PRUNE2: variants seen among roughly 807,000 people sequenced by gnomAD.
PRUNE2 encodes the protein protein prune homolog 2.
A neutral mutation model predicts 252.0 loss-of-function variants in PRUNE2; 164 were observed. The observed-to-expected ratio is 0.65, with a 90% confidence interval of 0.57 to 0.74. The LOEUF is 0.74. Ranked by LOEUF, PRUNE2 falls within the 30% of genes least tolerant of loss-of-function variation. PRUNE2 has a pLI of 0.00. For synonymous variants in PRUNE2, 1,292 were observed against 1,350.2 expected (o/e 0.96, Z 0.94); for missense variants, 3,495 against 3,711.0 (o/e 0.94, Z 1.51).
At position 76,612,992 on chromosome 9, in the gene PRUNE2, TG is replaced by T. The variant is rs1564295741; in HGVS notation, c.*1577del. ...AATAGGAGACACTGGAGACTAAGAA[TG>T]GTTCCCAGAGTGAGGCACGGACTTC... On this transcript the variant is annotated 3_prime_UTR_variant, in exon 19 of 19. Transcript: ENST00000376718. The T allele has an allele frequency of 6.6e-6, 1 of 152,182 alleles. No individual in the cohort carries two copies. Among genetic ancestry groups the T allele is most frequent in the Non-Finnish European group, 1.5e-5 (1 of 68,038 alleles). 9.4% of individuals were successfully genotyped at this position (152,182 alleles called of 1,614,324 possible).
At position 76,823,698 on chromosome 9, in the gene PRUNE2, T is replaced by C. The variant is rs766912621; in HGVS notation, c.690A>G (p.Lys230=). The stretch of plus-strand genomic sequence containing the variant: ...CTCCATCTGACAGCTCCTTTAGATC[T>C]TTCAACATTGTCTGTTCAATACTTA... ...QGLSIEQTML[K]DLKELSDGEI... is the part of the protein sequence containing the mutation. The change falls in exon 6 of 19, where the codon AAA becomes AAG. Residue 230 remains lysine, a synonymous_variant. Coordinates refer to ENST00000376718, the MANE Select transcript of PRUNE2 (RefSeq NM_015225.3). 1 of 1,611,030 alleles carries C rather than the reference T, an allele frequency of 6.2e-7. No individual in the cohort carries two copies. Among genetic ancestry groups the C allele is most frequent in the South Asian group, 1.1e-5 (1 of 91,018 alleles).
chr9:76,827,300 T>G lies in PRUNE2; in HGVS notation c.509-568A>C, dbSNP rs190713591. ...GCATCATACACAGTTTTAAAGTCAT[T>G]TACAATTATCTAATTATAAGGACTC... On this transcript the variant is annotated intron_variant, in intron 4 of 18. Transcript: ENST00000376718. Among the ~76,000 whole-genome samples the G allele has an allele frequency of 7.2e-5, 11 of 152,284 alleles. No homozygotes were observed. The East Asian group carries it at 2.1e-3, about 29-fold the overall frequency.
intron 6 of PRUNE2, among the ~76,000 whole-genome samples, chr9:76,805,076 C>A (rs913171661): frequency 7.9e-5 from 12 of 152,158 alleles, no homozygotes; most frequent in African/African-American, 2.9e-4. Flanking sequence ...GAGTCTCAGC[C>A]CCCAAAGTTC....
chr9:76,814,157 G>GT (rs985593792), intron 6 of PRUNE2, among the ~76,000 whole-genome samples: 6 of 152,254 alleles, frequency 3.9e-5, no homozygotes, highest in African/African-American at 1.4e-4. Context: ...GTAAGAGTGG[G>GT]TTTTTTTGAG....
At chr9:76,764,836 T>C (rs775997592) in intron 6 of PRUNE2, among the ~76,000 whole-genome samples, 30 of 152,134 alleles carry the variant, frequency 2.0e-4, no homozygotes, top group Non-Finnish European at 4.3e-4. Flanking sequence ...TCCACTGGAA[T>C]GGAAGGTACT....
chr9:76,898,881 T>C (rs2063002492), intron 1 of PRUNE2, among the ~76,000 whole-genome samples: 1 of 152,164 alleles, frequency 6.6e-6, no homozygotes, highest in African/African-American at 2.4e-5. Flanking sequence ...TCTGGTCACA[T>C]CCAGGAGAGT....
chr9:76,615,795 G>C (rs1331103986), intron 18 of PRUNE2, among the ~76,000 whole-genome samples: 1 of 107,922 alleles, frequency 9.3e-6, no homozygotes, highest in African/African-American at 3.4e-5. Flanking sequence ...TTTTGAGATG[G>C]AGTCTTGCTC....
intron 6 of PRUNE2, among the ~76,000 whole-genome samples, chr9:76,775,330 T>C (rs977490921): frequency 3.3e-4 from 50 of 152,128 alleles, no homozygotes; most frequent in African/African-American, 1.2e-3. Context: ...AAGGTCTCAC[T>C]CTGTCTCCCA....
intron 6 of PRUNE2, among the ~76,000 whole-genome samples, chr9:76,750,680 G>T (rs373599687): frequency 6.6e-6 from 1 of 152,242 alleles, no homozygotes; most frequent in African/African-American, 2.4e-5. Flanking sequence ...CTATGCTCTG[G>T]GTAAGACAAA....
chr9:76,704,625 C>T (rs2046174896), intron 8 of PRUNE2, 136 bp downstream of exon 8: 1 of 642,216 alleles, frequency 1.6e-6, no homozygotes, highest in African/African-American at 1.8e-5. Flanking sequence ...TAATACAGGA[C>T]TTAGTGAGGC....
chr9:76,708,854 G>A lies in PRUNE2; in HGVS notation c.3420C>T (p.Asp1140=). ...TGGGGATTGCCGCACCCCCACTGCA[G>A]TCATCCCAGTCCAAATCATTGTCCA... ...SDMDNDLDWD[D]CSGGAAIPSD... The change falls in exon 8 of 19, where the codon GAC becomes GAT. Residue 1140 remains aspartate, a synonymous_variant. Transcript: ENST00000376718. 6.2e-7 allele frequency: 1 copy of A among 1,613,980 alleles called. No individual in the cohort carries two copies. Among genetic ancestry groups the A allele is most frequent in the Non-Finnish European group, 8.5e-7 (1 of 1,179,888 alleles).
At chr9:76,736,766 C>CT (rs1456542423) in intron 6 of PRUNE2, 1 of 152,238 alleles carries the variant, frequency 6.6e-6, no homozygotes, top group African/African-American at 2.4e-5. Context: ...TGGGGCAACA[C>CT]AAACATTCAG....
chr9:76,850,266 C>T (rs145449278), intron 3 of PRUNE2, among the ~76,000 whole-genome samples, 197 bp downstream of exon 3: 3,468 of 152,182 alleles, frequency 0.023, 68 homozygotes, highest in South Asian at 0.044. Context: ...AGGCTGGTCT[C>T]GAACTCCTGG....
chr9:76,899,559 CT>C (rs1445647640), intron 1 of PRUNE2, among the ~76,000 whole-genome samples: 1 of 152,102 alleles, frequency 6.6e-6, no homozygotes, highest in Non-Finnish European at 1.5e-5. Flanking sequence ...AAGTGTCATG[CT>C]TTGTGCAGGA....
intron 6 of PRUNE2, chr9:76,785,818 A>G (rs976802740): frequency 2.0e-5 from 3 of 152,130 alleles, no homozygotes; most frequent in African/African-American, 7.2e-5. Context: ...AAAAACAAGC[A>G]TGTTTTCAAA....
At chr9:76,782,221 G>GA (rs145880962) in intron 6 of PRUNE2, among the ~76,000 whole-genome samples, 8,945 of 150,210 alleles carry the variant, frequency 0.06, 677 homozygotes, top group African/African-American at 0.18. Flanking sequence ...CTCAAAAAAA[G>GA]AAAAAAAAGA....
At chr9:76,748,679 AGCGTCAGTGGAG>A (rs1477494654) in intron 6 of PRUNE2, 1 of 152,242 alleles carries the variant, frequency 6.6e-6, no homozygotes, top group Admixed American at 6.5e-5. Context: ...TTTGACTTGG[AGCGTCAGTGGAG>A]GCGTCTTAAA....
intron 6 of PRUNE2, among the ~76,000 whole-genome samples, chr9:76,722,796 G>A (rs1159895441): frequency 6.6e-6 from 1 of 152,170 alleles, no homozygotes; most frequent in African/African-American, 2.4e-5. Flanking sequence ...CTCACAGCTC[G>A]TATGTGGGAC....
At chr9:76,788,244 C>T in intron 6 of PRUNE2, 1 of 537,822 alleles carries the variant, frequency 1.9e-6, no homozygotes, top group Non-Finnish European at 3.3e-6. Context: ...AGTCAAAACA[C>T]CATCAAGCAA....
Sources: allele counts gnomAD v4.1 joint callset (sites outside exome capture counted in the v4.1 genomes callset), GRCh38; gene constraint gnomAD v4.1.1; transcripts MANE v1.5; gene names NCBI Gene and HGNC (gene_info 2026-07-23, HGNC 2026-07-21).